Variants in PTPRD observed in about 807,000 individuals in gnomAD.
PTPRD encodes protein tyrosine phosphatase receptor type D, also known as receptor-type tyrosine-protein phosphatase delta.
A neutral mutation model predicts 214.5 loss-of-function variants in PTPRD; 34 were observed. The ratio of observed to expected loss-of-function variants is 0.16; its 90% CI spans 0.12 to 0.21. The LOEUF is 0.21. Among genes scored for constraint, PTPRD ranks in the 10% least tolerant of loss-of-function variants. PTPRD has a pLI of 1.00. For synonymous variants in PTPRD, 1,128 were observed against 845.7 expected (o/e 1.33, Z -5.79); for missense variants, 2,545 against 2,398.7 (o/e 1.06, Z -1.27).
intron 7 of PTPRD, among the ~76,000 whole-genome samples, chr9:9,667,789 A>T (rs2096751808): frequency 6.6e-6 from 1 of 152,148 alleles, no homozygotes; most frequent in South Asian, 2.1e-4. Context: ...GTCCAGAAAC[A>T]TTTATTCAGA....
At chr9:9,363,958 C>G (rs573450239) in intron 9 of PTPRD, among the ~76,000 whole-genome samples, 159 of 151,310 alleles carry the variant, frequency 1.1e-3, no homozygotes, top group Non-Finnish European at 2.0e-3. Flanking sequence ...CATTATATCC[C>G]CACACTGTCT....
intron 11 of PTPRD, among the ~76,000 whole-genome samples, chr9:8,793,183 CAAT>C (rs953818877): frequency 6.6e-5 from 10 of 152,294 alleles, no homozygotes; most frequent in African/African-American, 2.4e-4. Context: ...GCATGCCATA[CAAT>C]GATGGTATGT....
intron 2 of PTPRD, among the ~76,000 whole-genome samples, chr9:10,411,632 G>T (rs552849497): frequency 6.6e-6 from 1 of 151,642 alleles, no homozygotes; most frequent in Non-Finnish European, 1.5e-5. Context: ...TTTGCAAACA[G>T]GTAATAAACA....
intron 5 of PTPRD, among the ~76,000 whole-genome samples, chr9:9,816,802 A>T (rs2048924601): frequency 6.6e-6 from 1 of 152,070 alleles, no homozygotes; most frequent in African/African-American, 2.4e-5. Flanking sequence ...AACTGGAAAA[A>T]AAATCCTTCA....
At chr9:9,959,956 C>G (rs1488875876) in intron 4 of PTPRD, among the ~76,000 whole-genome samples, 1 of 151,992 alleles carries the variant, frequency 6.6e-6, no homozygotes, top group Non-Finnish European at 1.5e-5. Flanking sequence ...TATGATTAAG[C>G]ACATATATTT....
intron 2 of PTPRD, among the ~76,000 whole-genome samples, chr9:10,406,408 G>A (rs370849196): frequency 1.3e-5 from 2 of 151,510 alleles, no homozygotes; most frequent in African/African-American, 4.8e-5. Flanking sequence ...TGTATGTCAT[G>A]TCTACACAGA....
At chr9:8,969,073 A>C (rs1692410280) in intron 11 of PTPRD, among the ~76,000 whole-genome samples, 1 of 152,070 alleles carries the variant, frequency 6.6e-6, no homozygotes, top group African/African-American at 2.4e-5. Flanking sequence ...TTTAATAAAC[A>C]AAAGGAACCA....
At chr9:9,912,492 A>T (rs2079480975) in intron 5 of PTPRD, among the ~76,000 whole-genome samples, 1 of 152,148 alleles carries the variant, frequency 6.6e-6, no homozygotes, top group African/African-American at 2.4e-5. Context: ...TAAGGTTGAG[A>T]TTGCACTGAC....
At chr9:8,763,758 TAA>T (rs1010163329) in intron 11 of PTPRD, among the ~76,000 whole-genome samples, 6 of 151,384 alleles carry the variant, frequency 4.0e-5, no homozygotes, top group African/African-American at 1.5e-4. Flanking sequence ...AGAATGATCA[TAA>T]GTTACCCCTC....
chr9:9,116,083 G>A (rs1431043962), intron 10 of PTPRD, among the ~76,000 whole-genome samples: 1 of 152,008 alleles, frequency 6.6e-6, no homozygotes, highest in Non-Finnish European at 1.5e-5. Context: ...GAGGGGAAGG[G>A]TTGAAAAATG....
intron 10 of PTPRD, among the ~76,000 whole-genome samples, chr9:9,182,672 A>G (rs953159920): frequency 6.6e-6 from 1 of 152,066 alleles, no homozygotes; most frequent in African/African-American, 2.4e-5. Flanking sequence ...TTATTATGGT[A>G]GATGAAATGT....
At chr9:8,350,333 A>G (rs542227479) in intron 39 of PTPRD, among the ~76,000 whole-genome samples, 2 of 152,306 alleles carry the variant, frequency 1.3e-5, no homozygotes, top group African/African-American at 4.8e-5. Context: ...TATTTCACAC[A>G]TCATTTAGTT....
chr9:8,542,217 C>A (rs544110163), intron 14 of PTPRD, among the ~76,000 whole-genome samples: 1 of 152,204 alleles, frequency 6.6e-6, no homozygotes, highest in South Asian at 2.1e-4. Context: ...TCGGTGCTTG[C>A]GGGCATGTGT....
chr9:9,920,455 G>A (rs1316747071), intron 5 of PTPRD, among the ~76,000 whole-genome samples: 2 of 152,092 alleles, frequency 1.3e-5, no homozygotes, highest in Non-Finnish European at 2.9e-5. Flanking sequence ...ACAGCAGGGA[G>A]GCTTTAGCTT....
At chr9:8,420,341 C>A (rs1247042409) in intron 35 of PTPRD, among the ~76,000 whole-genome samples, 1 of 152,042 alleles carries the variant, frequency 6.6e-6, no homozygotes, top group African/African-American at 2.4e-5. Flanking sequence ...AAAGAAGGAG[C>A]ATTCATGATC....
At chr9:8,398,485 C>T (rs1315616601) in intron 36 of PTPRD, among the ~76,000 whole-genome samples, 1 of 152,046 alleles carries the variant, frequency 6.6e-6, no homozygotes, top group Non-Finnish European at 1.5e-5. Flanking sequence ...AAATATATGA[C>T]CCTTTCTGTA....
intron 7 of PTPRD, among the ~76,000 whole-genome samples, chr9:9,619,149 G>A (rs570665213): frequency 1.3e-5 from 2 of 152,188 alleles, no homozygotes; most frequent in African/African-American, 4.8e-5. Flanking sequence ...GTTGTGAGGA[G>A]GTATGCACTT....
intron 10 of PTPRD, among the ~76,000 whole-genome samples, chr9:9,149,929 T>C (rs1230958280): frequency 6.6e-6 from 1 of 152,148 alleles, no homozygotes; most frequent in Admixed American, 6.5e-5. Context: ...GAGCTTAGTA[T>C]AAAAAAGTAA....
chr9:9,868,653 T>A (rs1451095972), intron 5 of PTPRD, among the ~76,000 whole-genome samples: 1 of 150,462 alleles, frequency 6.6e-6, no homozygotes, highest in Non-Finnish European at 1.5e-5. Context: ...TGTAACAGGG[T>A]TTGGCTAGTT....
Sources: gnomAD v4.1 joint callset for allele counts (sites outside exome capture counted in the v4.1 genomes callset) on GRCh38, gnomAD v4.1.1 for gene constraint, MANE v1.5 for transcripts, NCBI Gene and HGNC (gene_info 2026-07-23, HGNC 2026-07-21) for gene names.